Variants in CAPZA1 observed in about 807,000 individuals in gnomAD.
CAPZA1 encodes the protein F-actin-capping protein subunit alpha-1.
Under a neutral mutation model 40.8 loss-of-function variants are expected in CAPZA1, and 10 were observed. The ratio of observed to expected loss-of-function variants is 0.25; its 90% CI spans 0.15 to 0.42. The LOEUF is 0.42. Among genes scored for constraint, CAPZA1 ranks in the 10% least tolerant of loss-of-function variants. CAPZA1 has a pLI of 1.00. For missense variants in CAPZA1, 277 were observed against 353.8 expected (o/e 0.78, Z 1.74); for synonymous variants, 98 against 115.0 (o/e 0.85, Z 0.95).
At chr1:112,626,782 T>A (rs758141817) in intron 1 of CAPZA1, among the ~76,000 whole-genome samples, 6 of 152,242 alleles carry the variant, frequency 3.9e-5, no homozygotes, top group Non-Finnish European at 8.8e-5. Context: ...TTTTGAGCAG[T>A]GTGTAAAATT....
At chr1:112,669,100 A>G (rs1039481626) in intron 8 of CAPZA1, among the ~76,000 whole-genome samples, 2 of 152,198 alleles carry the variant, frequency 1.3e-5, no homozygotes, top group African/African-American at 4.8e-5. Flanking sequence ...GTGGCAAATA[A>G]AGGCATATGT....
chr1:112,641,407 T>C (rs1396079990), intron 1 of CAPZA1, among the ~76,000 whole-genome samples: 2 of 152,112 alleles, frequency 1.3e-5, no homozygotes, highest in Non-Finnish European at 2.9e-5. Context: ...ATATATATAA[T>C]TTCTAAAAGA....
intron 1 of CAPZA1, among the ~76,000 whole-genome samples, chr1:112,624,711 T>G (rs1195698519): frequency 1.3e-5 from 2 of 151,748 alleles, no homozygotes; most frequent in Non-Finnish European, 2.9e-5. Flanking sequence ...AGCCACCTTG[T>G]CACTGATTTT....
chr1:112,631,076 TA>T (rs1192977255), intron 1 of CAPZA1, among the ~76,000 whole-genome samples: 15 of 152,336 alleles, frequency 9.8e-5, no homozygotes, highest in African/African-American at 3.6e-4. Flanking sequence ...TATGTCAATA[TA>T]GTTAAATCTT....
intron 1 of CAPZA1, among the ~76,000 whole-genome samples, chr1:112,642,900 A>G (rs1398709668): frequency 1.3e-5 from 2 of 152,202 alleles, no homozygotes; most frequent in Non-Finnish European, 2.9e-5. Flanking sequence ...TATGTAAAAT[A>G]TGGCTGTGGC....
At chr1:112,659,531 T>A in intron 6 of CAPZA1, 170 bp from the exon 7 acceptor site, 1 of 594,766 alleles carries the variant, frequency 1.7e-6, no homozygotes, top group Non-Finnish European at 3.0e-6. Flanking sequence ...GACTTACATT[T>A]GAGTAGACAG....
chr1:112,665,399 C>T lies in CAPZA1; in HGVS notation c.586-1675C>T, dbSNP rs576023982. Reference sequence around the variant, plus strand: ...TTCGCCGTGTTGGCCAGGCTGGTTTCGAACTCCTGACCTCAAGTGATCCGC... The same window carrying T: ...TTCGCCGTGTTGGCCAGGCTGGTTTTGAACTCCTGACCTCAAGTGATCCGC... On this transcript the variant is annotated intron_variant, in intron 7 of 9. Coordinates refer to ENST00000263168, the MANE Select transcript of CAPZA1 (RefSeq NM_006135.3). Among the ~76,000 whole-genome samples the T allele has an allele frequency of 1.1e-3, 168 of 151,980 alleles. 1 individual carries two copies. In the South Asian group the frequency reaches 0.016, roughly 14 times the overall value.
chr1:112,659,112 G>T lies in CAPZA1; in HGVS notation c.506+11G>T. On this transcript the variant is annotated intron_variant, in intron 6 of 9. Transcript: ENST00000263168. The stretch of plus-strand genomic sequence containing the variant: ...GCCTAAAAACTTCTGGTAAGAAGTA[G>T]ATATTCTCTTCTATTTACATCTGAA... The T allele has an allele frequency of 6.5e-7, 1 of 1,548,564 alleles. No individual in the cohort carries two copies. The highest frequency in any genetic ancestry group is 1.1e-5 in the South Asian group (1 of 89,762).
chr1:112,638,595 G>A (rs1170735066), intron 1 of CAPZA1, among the ~76,000 whole-genome samples: 3 of 151,720 alleles, frequency 2.0e-5, no homozygotes, highest in Non-Finnish European at 4.4e-5. Flanking sequence ...GATTACAGGC[G>A]TGAGCCACCA....
intron 1 of CAPZA1, among the ~76,000 whole-genome samples, chr1:112,622,421 A>G (rs1292099720): frequency 6.6e-6 from 1 of 152,224 alleles, no homozygotes; most frequent in Non-Finnish European, 1.5e-5. Context: ...AGTTTCTGAG[A>G]ATGAACTTGA....
chr1:112,661,449 ACTT>A (rs1281984840), intron 7 of CAPZA1, among the ~76,000 whole-genome samples: 2 of 152,176 alleles, frequency 1.3e-5, no homozygotes, highest in Non-Finnish European at 2.9e-5. Flanking sequence ...TCTGTGTCCC[ACTT>A]CTTCTGTCCC....
chr1:112,664,272 A>G (rs913523343), intron 7 of CAPZA1, among the ~76,000 whole-genome samples: 5 of 151,892 alleles, frequency 3.3e-5, no homozygotes, highest in Admixed American at 3.3e-4. Flanking sequence ...TGTCCTTTAA[A>G]CAAGGATAGG....
chr1:112,640,464 C>T (rs1488475840), intron 1 of CAPZA1, among the ~76,000 whole-genome samples: 1 of 134,056 alleles, frequency 7.5e-6, no homozygotes, highest in African/African-American at 2.9e-5. Flanking sequence ...TCTGCCCAGC[C>T]AGCCGCCCAG....
intron 2 of CAPZA1, among the ~76,000 whole-genome samples, chr1:112,648,347 C>CTTTTTTT (rs35670246): frequency 1.7e-4 from 17 of 99,402 alleles, no homozygotes; most frequent in East Asian, 5.9e-4. Flanking sequence ...TTGAATTTTT[C>CTTTTTTT]TTTTTTTTTT....
chr1:112,655,332 C>T (rs1459828762), intron 5 of CAPZA1, among the ~76,000 whole-genome samples: 1 of 151,996 alleles, frequency 6.6e-6, no homozygotes, highest in Non-Finnish European at 1.5e-5. Flanking sequence ...CAAAAAGTAG[C>T]TGGATGTGGT....
rs114408307 is a variant in CAPZA1, at chr1:112,649,598, C to T, written c.155+129C>T. On this transcript the variant is annotated intron_variant, in intron 3 of 9. Transcript: ENST00000263168. Reference sequence around the variant, plus strand: ...TAAAGCAGTTGGTTTTAGCAATTTTCGTTGTTTTTTTTAATTGGAGAAAAC... The same window carrying T: ...TAAAGCAGTTGGTTTTAGCAATTTTTGTTGTTTTTTTTAATTGGAGAAAAC... The T allele has an allele frequency of 4.7e-4, 359 of 761,732 alleles. 3 individuals are homozygous for T. The highest frequency in any genetic ancestry group is 3.5e-3 in the African/African-American group (193 of 55,508). 47.2% of individuals were successfully genotyped at this position (761,732 alleles called of 1,614,324 possible).
intron 6 of CAPZA1, 35 bp downstream of exon 6, chr1:112,659,136 A>G (rs759688645): frequency 1.3e-5 from 18 of 1,408,682 alleles, no homozygotes; most frequent in African/African-American, 2.8e-5. Flanking sequence ...TTTACATCTG[A>G]AAGAAACCAG....
chr1:112,635,957 A>C (rs946447933), intron 1 of CAPZA1, among the ~76,000 whole-genome samples: 3 of 152,156 alleles, frequency 2.0e-5, no homozygotes, highest in African/African-American at 7.2e-5. Flanking sequence ...TGAACCCGGG[A>C]GGCGGAGGTT....
chr1:112,649,518 A>G, intron 3 of CAPZA1, 49 bp downstream of exon 3: 1 of 1,406,462 alleles, frequency 7.1e-7, no homozygotes, highest in Non-Finnish European at 1.0e-6. Flanking sequence ...ACATTGGATA[A>G]ACTATGTTGA....
Sources: allele counts gnomAD v4.1 joint callset (sites outside exome capture counted in the v4.1 genomes callset), GRCh38; gene constraint gnomAD v4.1.1; transcripts MANE v1.5; gene names NCBI Gene and HGNC (gene_info 2026-07-23, HGNC 2026-07-21).